The following RFX7 variants were observed in gnomAD, a reference collection of about 807,000 sequenced individuals.
The protein encoded by RFX7 is regulatory factor X7.
A neutral mutation model predicts 111.8 loss-of-function variants in RFX7; 26 were observed. The observed-to-expected ratio is 0.23, with a 90% CI of 0.17 to 0.32. The LOEUF (loss-of-function observed/expected upper bound fraction) is 0.32. Among genes scored for constraint, RFX7 ranks in the 10% least tolerant of loss-of-function variants. The pLI, the probability that RFX7 is intolerant of heterozygous loss-of-function variation, is 1.00. For missense variants in RFX7, 1,573 were observed against 1,772.9 expected (o/e 0.89, Z 2.02); for synonymous variants, 624 against 624.4 (o/e 1.00, Z 0.01).
chr15:56,144,868 GT>G (rs1461686766), intron 3 of RFX7, among the ~76,000 whole-genome samples: 11 of 152,114 alleles, frequency 7.2e-5, no homozygotes, highest in Admixed American at 7.2e-4. Flanking sequence ...TGGCTATGAG[GT>G]TTTCAGCACT....
chr15:56,194,664 T>C (rs1206818736), intron 2 of RFX7, among the ~76,000 whole-genome samples: 2 of 151,806 alleles, frequency 1.3e-5, no homozygotes, highest in Admixed American at 1.3e-4. Context: ...TAGTGGCTAA[T>C]GCTAAAAAGG....
At chr15:56,105,170 T>C (rs1247721880) in intron 5 of RFX7, among the ~76,000 whole-genome samples, 11 of 152,222 alleles carry the variant, frequency 7.2e-5, no homozygotes, top group Admixed American at 2.0e-4. Context: ...ACTTTTCTTA[T>C]CTTTCAAGTC....
chr15:56,239,894 A>T (rs2043667870), intron 2 of RFX7, among the ~76,000 whole-genome samples: 1 of 152,044 alleles, frequency 6.6e-6, no homozygotes, highest in Non-Finnish European at 1.5e-5. Context: ...GACTTAGTAA[A>T]TGTGTTTACT....
At chr15:56,107,803 G>A (rs1428604439) in intron 5 of RFX7, among the ~76,000 whole-genome samples, 1 of 152,034 alleles carries the variant, frequency 6.6e-6, no homozygotes, top group Non-Finnish European at 1.5e-5. Context: ...TGATGCAGGC[G>A]ATATCGCCAC....
In RFX7 at chr15:56,174,421, A is replaced by G. The variant is rs114022621; in HGVS notation, c.195+4849T>C. ...AGTGATAATAGAGAAACAAACTATT[A>G]GTAAGTATAGAAAAATTGTTGGATA... On this transcript the variant is annotated intron_variant, in intron 3 of 9. Coordinates refer to ENST00000559447, the MANE Select transcript of RFX7 (RefSeq NM_022841.7). 4.2e-3 allele frequency among the ~76,000 whole-genome samples: 638 copies of G among 152,278 alleles called. 11 individuals carry two copies. Among genetic ancestry groups the G allele is most frequent in the African/African-American group, 0.015 (617 of 41,576 alleles).
At chr15:56,113,546 A>G (rs2041966488) in intron 5 of RFX7, among the ~76,000 whole-genome samples, 1 of 152,162 alleles carries the variant, frequency 6.6e-6, no homozygotes, top group Non-Finnish European at 1.5e-5. Flanking sequence ...TAGCTAATGC[A>G]TGAGGGGCTT....
intron 2 of RFX7, among the ~76,000 whole-genome samples, chr15:56,227,901 G>C (rs1377877648): frequency 6.6e-6 from 1 of 151,996 alleles, no homozygotes; most frequent in Non-Finnish European, 1.5e-5. Flanking sequence ...TCTACCAGTT[G>C]ACAAATTCCA....
intron 3 of RFX7, among the ~76,000 whole-genome samples, chr15:56,153,012 A>C (rs1159805404): frequency 6.6e-6 from 1 of 152,234 alleles, no homozygotes; most frequent in Non-Finnish European, 1.5e-5. Flanking sequence ...TAAGCCACAA[A>C]GAAGTCGAAT....
chr15:56,233,485 G>A (rs545331235), intron 2 of RFX7, among the ~76,000 whole-genome samples: 1 of 152,104 alleles, frequency 6.6e-6, no homozygotes, highest in Non-Finnish European at 1.5e-5. Context: ...ATCAGCAGTG[G>A]AAATAGGAAG....
intron 2 of RFX7, among the ~76,000 whole-genome samples, chr15:56,233,251 T>C (rs1246097789): frequency 2.0e-5 from 3 of 152,174 alleles, no homozygotes; most frequent in Non-Finnish European, 4.4e-5. Flanking sequence ...GAAAGGCACA[T>C]CTTACATGGC....
chr15:56,199,334 C>T (rs758063613), intron 2 of RFX7, among the ~76,000 whole-genome samples: 9 of 152,052 alleles, frequency 5.9e-5, no homozygotes, highest in Non-Finnish European at 1.2e-4. Context: ...TGTCCTTCCA[C>T]GTATAGGTAT....
intron 9 of RFX7, 107 bp from the exon 10 acceptor site, chr15:56,096,727 A>T (rs1231053028): frequency 1.6e-6 from 2 of 1,245,810 alleles, no homozygotes; most frequent in African/African-American, 3.0e-5. Context: ...AATGTTAAAA[A>T]GAAAAAAGTT....
Position 56,094,593 on chromosome 15 carries a change from A to T in RFX7, c.3135T>A (p.Pro1045=). ...YHDASIVSSS[P]VKPMQRPMAT... ...CCATGGGTCTTTGCATCGGTTTCAC[A>T]GGACTACTTGAGACAATGCTGGCGT... Residue 1045 remains proline (P), a synonymous_variant, in exon 10 of 10, where the codon CCT becomes CCA. Coordinates refer to ENST00000559447, the MANE Select transcript of RFX7 (RefSeq NM_022841.7). 1 of 1,613,846 alleles carries T rather than the reference A, an allele frequency of 6.2e-7. No homozygotes were observed. The highest frequency in any genetic ancestry group is 2.2e-5 in the East Asian group (1 of 44,890).
chr15:56,096,274 C>G lies in RFX7; in HGVS notation c.1454G>C (p.Ser485Thr). Residue 485 changes from serine to threonine, a missense_variant, in exon 10 of 10, where the codon AGT (serine) becomes ACT (threonine). Ser to Thr is a moderately conservative substitution (Grantham distance 58). This residue lies in a region of RFX7 where 625 missense variants were observed against 632.2 expected (regional missense o/e 0.99). Transcript: ENST00000559447. The stretch of plus-strand genomic sequence containing the variant: ...GGCAGAATGTTTAAGAGGGGTGTTA[C>G]TGTTGCTGGGTGTGAGGGATATTGT... The part of the protein sequence containing the change: ...MTTISLTPSN[S>T]NTPLKHSASV... 1 of 1,613,932 alleles carries G rather than the reference C, an allele frequency of 6.2e-7. No individual in the cohort carries two copies. The highest frequency in any genetic ancestry group is 2.2e-5 in the East Asian group (1 of 44,882).
In RFX7 at chr15:56,149,162, C is replaced by T. The variant is rs11631518; in HGVS notation, c.196-4679G>A. ...GGCACCTTGGAAGCCATGTGTTGCA[C>T]TGGTGAAGCTATAACATGTCAGCCT... On this transcript the variant is annotated intron_variant, in intron 3 of 9. Coordinates refer to ENST00000559447, the MANE Select transcript of RFX7 (RefSeq NM_022841.7). 1.1e-3 allele frequency among the ~76,000 whole-genome samples: 163 copies of T among 151,770 alleles called. 1 individual carries two copies. Among genetic ancestry groups the T allele is most frequent in the African/African-American group, 3.8e-3 (156 of 41,376 alleles).
chr15:56,101,412 T>G lies in RFX7; in HGVS notation c.758A>C (p.Tyr253Ser). Residue 253 changes from tyrosine to serine, a missense_variant, in exon 8 of 10, where the codon TAT (tyrosine) becomes TCT (serine). Physicochemically the swap from Tyr to Ser is moderately radical, Grantham distance 144. Transcript: ENST00000559447. ...AGCTGCCATTGACTTGGTGCCTATA[T>G]AGTGACTTTTTACAAGGAAGCGGGC... ...ELARFLVKSH[Y>S]IGTKSMAALT... The G allele has an allele frequency of 6.2e-7, 1 of 1,610,982 alleles. No homozygotes were observed. Among genetic ancestry groups the G allele is most frequent in the Non-Finnish European group, 8.5e-7 (1 of 1,178,692 alleles).
intron 5 of RFX7, among the ~76,000 whole-genome samples, chr15:56,122,441 C>T (rs1348622897): frequency 1.3e-5 from 2 of 152,178 alleles, no homozygotes; most frequent in African/African-American, 4.8e-5. Context: ...ACACAAGCAG[C>T]CCTGTGACCA....
At chr15:56,117,189 C>T (rs1263238788) in intron 5 of RFX7, among the ~76,000 whole-genome samples, 2 of 152,068 alleles carry the variant, frequency 1.3e-5, no homozygotes, top group African/African-American at 2.4e-5. Flanking sequence ...ATAAAAGTTA[C>T]ATAGAGTGCT....
intron 5 of RFX7, among the ~76,000 whole-genome samples, chr15:56,139,510 C>T (rs1420338669): frequency 1.3e-5 from 2 of 152,044 alleles, no homozygotes; most frequent in African/African-American, 2.4e-5. Flanking sequence ...TCTAGTTATA[C>T]ATTCTTCTAA....
Sources: allele counts gnomAD v4.1 joint callset (sites outside exome capture counted in the v4.1 genomes callset), GRCh38; gene constraint gnomAD v4.1.1; regional missense constraint gnomAD v4.1.1; transcripts MANE v1.5; gene names NCBI Gene and HGNC (gene_info 2026-07-23, HGNC 2026-07-21).